CFI: variants seen among roughly 807,000 people sequenced by gnomAD.
CFI encodes the protein C3B/C4B inactivator.
CFI carries 66 observed loss-of-function variants against 78.8 expected under a neutral mutation model. That is an observed-to-expected ratio of 0.84 (90% confidence interval 0.69 to 1.03). CFI has a LOEUF of 1.03. CFI is among the 50% of genes least tolerant of loss of function. CFI has a pLI of 0.00. For synonymous variants in CFI, 250 were observed against 232.6 expected, an observed-to-expected ratio of 1.07 and a Z score of -0.68; for missense variants, 706 against 704.5, an observed-to-expected ratio of 1.00 and a Z score of -0.02.
In CFI at chr4:109,746,360, C is replaced by T. The variant is rs758017357; in HGVS notation, c.1291G>A (p.Ala431Thr). 2.0e-5 allele frequency: 32 copies of T among 1,613,944 alleles called. No individual in the cohort carries two copies. Among genetic ancestry groups the T allele is most frequent in the Admixed American group, 1.0e-4 (6 of 59,976 alleles). The change falls in exon 11 of 13, where the codon GCT becomes ACT. Residue 431 changes from alanine (A) to threonine (T), a missense_variant. Physicochemically the swap from Ala to Thr is moderately conservative, Grantham distance 58. Transcript: ENST00000394634. ...CCGTCTTTTTTCATTTCAATCAAAG[C>T]GATGTCATTTTGGTAAGTGCCTGCA... is the stretch of plus-strand genomic sequence containing the variant. ...YNAGTYQNDI[A>T]LIEMKKDGNK...
intron 3 of CFI, among the ~76,000 whole-genome samples, chr4:109,763,762 T>C (rs935943801): frequency 1.3e-5 from 2 of 151,714 alleles, no homozygotes; most frequent in African/African-American, 2.4e-5. Context: ...TCAACAAATA[T>C]TTGAAAAAAT....
chr4:109,785,562 A>G (rs575808614), intron 1 of CFI, among the ~76,000 whole-genome samples: 1 of 152,094 alleles, frequency 6.6e-6, no homozygotes, highest in East Asian at 1.9e-4. Flanking sequence ...TCTTTTTAAC[A>G]ATTATTAATC....
intron 7 of CFI, among the ~76,000 whole-genome samples, chr4:109,755,036 C>G (rs1170935630): frequency 6.6e-6 from 1 of 152,058 alleles, no homozygotes; most frequent in Non-Finnish European, 1.5e-5. Flanking sequence ...TTAAAACTGA[C>G]AATGGACTAA....
chr4:109,751,445 T>C (rs1725126787), intron 8 of CFI, among the ~76,000 whole-genome samples: 1 of 142,754 alleles, frequency 7.0e-6, no homozygotes, highest in South Asian at 2.4e-4. Flanking sequence ...AATCTTTTTT[T>C]TTTTTTTTTT....
intron 1 of CFI, among the ~76,000 whole-genome samples, chr4:109,799,970 C>T (rs1732554119): frequency 6.6e-6 from 1 of 152,186 alleles, no homozygotes; most frequent in South Asian, 2.1e-4. Context: ...TTCTTAGGTG[C>T]TATAAACCTT....
Position 109,761,857 on chromosome 4 carries a change from A to G in CFI, c.483-165T>C, listed in dbSNP as rs1005529245. 3.2e-5 allele frequency: 20 copies of G among 630,190 alleles called. No individual in the cohort carries two copies. The African/African-American group carries it at 3.7e-4, about 12-fold the overall frequency. The allele number at this position is 630,190 out of a possible 1,614,324, so 39.0% of individuals were successfully genotyped here. A position where few individuals can be genotyped will look rare whatever the true frequency, so the allele number is the denominator to read the frequency against. Reference sequence around the variant, plus strand: ...TCTGAGCCTCAGTACCTTCATCTATAAAAGGGAATATAACTACCTCACTGG... The same window carrying G: ...TCTGAGCCTCAGTACCTTCATCTATGAAAGGGAATATAACTACCTCACTGG... On this transcript the variant is annotated intron_variant, in intron 3 of 12. Coordinates refer to ENST00000394634, the MANE Select transcript of CFI (RefSeq NM_000204.5).
chr4:109,749,898 A>T (rs1388624431), intron 8 of CFI, among the ~76,000 whole-genome samples: 1 of 152,248 alleles, frequency 6.6e-6, no homozygotes, highest in African/African-American at 2.4e-5. Flanking sequence ...AAAGGATGCC[A>T]CATGTCCAGG....
chr4:109,773,607 ACT>A (rs1219226058), intron 1 of CFI, among the ~76,000 whole-genome samples: 1 of 152,042 alleles, frequency 6.6e-6, no homozygotes, highest in Admixed American at 6.6e-5. Context: ...TGGATGATAC[ACT>A]CTTTATAATT....
In CFI at chr4:109,761,642, G is replaced by A. The variant is rs1233670202; in HGVS notation, c.533C>T (p.Ser178Phe). The A allele has an allele frequency of 2.5e-6, 4 of 1,613,606 alleles. No homozygotes were observed. The African/African-American group carries it at 5.3e-5, about 22-fold the overall frequency. ...RFKLSDLSINSTECLHVHCRG... is the reference protein window; with the variant it reads ...RFKLSDLSINFTECLHVHCRG... ...GCAATGCACATGTAGACATTCAGTG[G>A]AATTTATAGAGAGATCAGACAACTT... The change falls in exon 4 of 13, where the codon TCC becomes TTC. Residue 178 changes from serine (S) to phenylalanine (F), a missense_variant. Coordinates refer to ENST00000394634, the MANE Select transcript of CFI (RefSeq NM_000204.5).
At position 109,761,863 on chromosome 4, in the gene CFI, G is replaced by A. The variant is rs1328542184; in HGVS notation, c.483-171C>T. On this transcript the variant is annotated intron_variant, in intron 3 of 12. Transcript: ENST00000394634. ...CCTCAGTACCTTCATCTATAAAAGG[G>A]AATATAACTACCTCACTGGGTTTTG... 2.3e-5 allele frequency: 14 copies of A among 618,418 alleles called. No individual in the cohort carries two copies. In the Admixed American group the frequency reaches 2.5e-4, roughly 11 times the overall value. 38.3% of individuals were successfully genotyped at this position (618,418 alleles called of 1,614,324 possible).
intron 1 of CFI, among the ~76,000 whole-genome samples, chr4:109,784,435 A>G (rs1297180527): frequency 2.6e-5 from 4 of 152,074 alleles, no homozygotes; most frequent in African/African-American, 9.7e-5. Context: ...TAAGATAGAG[A>G]ATCATATACA....
At chr4:109,801,349 G>T (rs28541379) in intron 1 of CFI, among the ~76,000 whole-genome samples, 1 of 152,104 alleles carries the variant, frequency 6.6e-6, no homozygotes, top group Non-Finnish European at 1.5e-5. Context: ...AGAATTAAAC[G>T]TTCAGCTCAA....
chr4:109,787,712 T>G (rs1730911573), intron 1 of CFI, among the ~76,000 whole-genome samples: 1 of 152,028 alleles, frequency 6.6e-6, no homozygotes, highest in Admixed American at 6.6e-5. Flanking sequence ...TCTTGTGTGC[T>G]AATTTTTAGT....
Position 109,746,476 on chromosome 4 carries a change from A to G in CFI, c.1175T>C (p.Ile392Thr). The G allele has an allele frequency of 6.2e-7, 1 of 1,612,684 alleles. No homozygotes were observed. The highest frequency in any genetic ancestry group is 8.5e-7 in the Non-Finnish European group (1 of 1,179,346). ...TATCCAGTCTACTACTGTTGTCCAT[A>G]TTTGGTAACGATGAGTTTTACTGGC... Reference protein sequence around the residue: ...LRASKTHRYQIWTTVVDWIHP... With the variant: ...LRASKTHRYQTWTTVVDWIHP... The change falls in exon 11 of 13, where the codon ATA (isoleucine) becomes ACA (threonine). Residue 392 changes from isoleucine to threonine, a missense_variant. By Grantham distance (89) the Ile-to-Thr change is moderately conservative. Transcript: ENST00000394634.
chr4:109,735,693 C>T, the CFI span, among the ~76,000 whole-genome samples: 2 of 152,220 alleles, frequency 1.3e-5, no homozygotes, highest in South Asian at 2.1e-4. Context: ...TAATCTATGG[C>T]TAGTGCCAAT....
At chr4:109,735,529 T>C in the CFI span, among the ~76,000 whole-genome samples, 5 of 152,228 alleles carry the variant, frequency 3.3e-5, no homozygotes, top group African/African-American at 1.2e-4. Context: ...GCAATTTCTA[T>C]TTTTTAGTAT....
intron 1 of CFI, among the ~76,000 whole-genome samples, chr4:109,785,489 T>G (rs1414747449): frequency 6.6e-6 from 1 of 151,906 alleles, no homozygotes; most frequent in African/African-American, 2.4e-5. Flanking sequence ...ATTCAGAAAT[T>G]TATTTACTTA....
intron 7 of CFI, among the ~76,000 whole-genome samples, chr4:109,755,270 G>A (rs919086803): frequency 6.6e-6 from 1 of 152,196 alleles, no homozygotes; most frequent in Admixed American, 6.5e-5. Flanking sequence ...CACGCTTGAT[G>A]TTGGTGGGGT....
chr4:109,792,401 C>A (rs1162236840), intron 1 of CFI, among the ~76,000 whole-genome samples: 1 of 152,206 alleles, frequency 6.6e-6, no homozygotes, highest in East Asian at 1.9e-4. Flanking sequence ...CATGGTGAAA[C>A]CCTGTCTCTA....
Sources: allele counts gnomAD v4.1 joint callset (sites outside exome capture counted in the v4.1 genomes callset), GRCh38; gene constraint gnomAD v4.1.1; transcripts MANE v1.5; gene names NCBI Gene and HGNC (gene_info 2026-07-23, HGNC 2026-07-21).